Variants in SERGEF observed in about 807,000 individuals in gnomAD.
SERGEF encodes the protein secretion regulating guanine nucleotide exchange factor, also known as secretion-regulating guanine nucleotide exchange factor.
Under a neutral mutation model 50.0 loss-of-function variants are expected in SERGEF, and 51 were observed. That is an observed-to-expected ratio of 1.02 (90% CI 0.81 to 1.29). The LOEUF is 1.29. Ranked by LOEUF, SERGEF falls within the 50% of genes most tolerant of loss-of-function variation. SERGEF has a pLI of 0.00. For synonymous variants in SERGEF, 205 were observed against 212.4 expected, an observed-to-expected ratio of 0.97 and a Z score of 0.30; for missense variants, 521 against 557.0, an observed-to-expected ratio of 0.94 and a Z score of 0.65.
At chr11:17,866,038 G>C (rs566779304) in intron 10 of SERGEF, among the ~76,000 whole-genome samples, 25 of 152,334 alleles carry the variant, frequency 1.6e-4, no homozygotes, top group Admixed American at 1.3e-3. Flanking sequence ...AGAAAGGCAA[G>C]ACCTGGGACA....
intron 10 of SERGEF, among the ~76,000 whole-genome samples, chr11:17,792,163 G>T (rs1849493299): frequency 6.6e-6 from 1 of 152,210 alleles, no homozygotes; most frequent in Admixed American, 6.5e-5. Context: ...CCCTTAGTAG[G>T]AAGGCAATCA....
At chr11:17,811,061 T>TGG (rs1849862582) in intron 10 of SERGEF, among the ~76,000 whole-genome samples, 1 of 152,136 alleles carries the variant, frequency 6.6e-6, no homozygotes, top group Non-Finnish European at 1.5e-5. Flanking sequence ...CTGGTAATGG[T>TGG]GGTGGAAGCA....
intron 10 of SERGEF, among the ~76,000 whole-genome samples, chr11:17,872,534 C>T (rs953247578): frequency 6.6e-6 from 1 of 152,152 alleles, no homozygotes; most frequent in Non-Finnish European, 1.5e-5. Context: ...TTATACCTTG[C>T]TAGTGGAAGT....
chr11:18,004,520 A>G lies in SERGEF; in HGVS notation c.368T>C (p.Leu123Pro). 9 of 1,612,806 alleles carry G rather than the reference A, an allele frequency of 5.6e-6. No individual in the cohort carries two copies. In the South Asian group the frequency reaches 9.9e-5, roughly 18 times the overall value. Residue 123 changes from leucine to proline, a missense_variant, in exon 4 of 11, where the codon CTA becomes CCA. By Grantham distance (98) the Leu-to-Pro change is moderately conservative. Transcript: ENST00000265965. ...GCCAAAGGAGTTGGATCCACATGAT[A>G]GAACTTGACCATTTTCTGCAAAATA... The part of the protein sequence containing the change: ...TIMLTENGQV[L>P]SCGSNSFGQL...
intron 9 of SERGEF, among the ~76,000 whole-genome samples, chr11:17,883,976 G>C (rs1410146294): frequency 6.6e-6 from 1 of 152,134 alleles, no homozygotes; most frequent in African/African-American, 2.4e-5. Context: ...GGTGGGAAAC[G>C]AACACCGGGT....
intron 9 of SERGEF, among the ~76,000 whole-genome samples, chr11:17,938,357 C>T (rs1012336952): frequency 3.9e-5 from 6 of 152,164 alleles, no homozygotes; most frequent in African/African-American, 1.4e-4. Context: ...AGCATCTTAA[C>T]TTATACCTAT....
chr11:17,993,027 T>A, intron 6 of SERGEF, 34 bp from the exon 7 acceptor site: 2 of 1,587,210 alleles, frequency 1.3e-6, no homozygotes, highest in Non-Finnish European at 1.7e-6. Context: ...TGAATTACAT[T>A]TATAACAGAA....
At chr11:17,899,228 A>G (rs1851700881) in intron 9 of SERGEF, among the ~76,000 whole-genome samples, 2 of 152,228 alleles carry the variant, frequency 1.3e-5, no homozygotes, top group Admixed American at 1.3e-4. Context: ...ATACCAGGGC[A>G]CTTTAAAATC....
chr11:17,988,812 G>T lies in SERGEF; in HGVS notation c.686-57C>A. 2.0e-6 allele frequency: 3 copies of T among 1,514,824 alleles called. No homozygotes were observed. In the Admixed American group the frequency reaches 5.5e-5, roughly 28 times the overall value. The allele number at this position is 1,514,824 out of a possible 1,614,324, so 93.8% of individuals were successfully genotyped here. A position where few individuals can be genotyped will look rare whatever the true frequency, so the allele number is the denominator to read the frequency against. On this transcript the variant is annotated intron_variant, in intron 7 of 10. Coordinates refer to ENST00000265965, the MANE Select transcript of SERGEF (RefSeq NM_012139.4). Reference sequence around the variant, plus strand: ...GAGGGAACATTAGTCCAAAATGATGGAAAATAACAGAAGTCTAAAAAATAA... The same window carrying T: ...GAGGGAACATTAGTCCAAAATGATGTAAAATAACAGAAGTCTAAAAAATAA...
intron 8 of SERGEF, among the ~76,000 whole-genome samples, chr11:17,985,271 A>C (rs1040925507): frequency 6.6e-6 from 1 of 152,234 alleles, no homozygotes; most frequent in African/African-American, 2.4e-5. Flanking sequence ...AATAGTTGGG[A>C]TCTTTCACAG....
intron 9 of SERGEF, among the ~76,000 whole-genome samples, chr11:17,883,779 G>A (rs1851378207): frequency 6.6e-6 from 1 of 152,166 alleles, no homozygotes; most frequent in Non-Finnish European, 1.5e-5. Flanking sequence ...CCTGCCTAGG[G>A]CTAGGAGTGC....
At position 17,944,170 on chromosome 11, in the gene SERGEF, G is replaced by A. The variant is rs1193052988; in HGVS notation, c.1011+15300C>T. 8.6e-5 allele frequency among the ~76,000 whole-genome samples: 13 copies of A among 151,908 alleles called. 1 individual carries two copies. Among genetic ancestry groups the A allele is most frequent in the Admixed American group, 7.9e-4 (12 of 15,252 alleles). On this transcript the variant is annotated intron_variant, in intron 9 of 10. Transcript: ENST00000265965. ...TCTCCATCTCCTGACCTCATGATCCGCCCGCCTCGGCCTCCCAAAGTGCTG... is the reference window on the plus strand; with the variant it reads ...TCTCCATCTCCTGACCTCATGATCCACCCGCCTCGGCCTCCCAAAGTGCTG...
At chr11:17,886,798 G>A (rs956086618) in intron 9 of SERGEF, among the ~76,000 whole-genome samples, 3 of 152,156 alleles carry the variant, frequency 2.0e-5, no homozygotes, top group African/African-American at 7.2e-5. Flanking sequence ...CAGACTGCTT[G>A]CTTTTCCCAT....
Position 18,006,683 on chromosome 11 carries a change from T to G in SERGEF, c.260A>C (p.Glu87Ala). The G allele has an allele frequency of 1.2e-6, 2 of 1,614,154 alleles. No individual in the cohort carries two copies. Among genetic ancestry groups the G allele is most frequent in the Non-Finnish European group, 1.7e-6 (2 of 1,180,014 alleles). Residue 87 changes from glutamate (E) to alanine (A), a missense_variant, in exon 3 of 11, where the codon GAG (glutamate) becomes GCG (alanine). Glu to Ala is a moderately radical substitution (Grantham distance 107). Transcript: ENST00000265965. ...KDGQLGLGHT[E>A]DIPYFTPCKS... The stretch of plus-strand genomic sequence containing the variant: ...GCAGGGGGTAAAATATGGGATATCC[T>G]CTGTGTGACCAAGCCCCAGTTGCCC...
intron 9 of SERGEF, among the ~76,000 whole-genome samples, chr11:17,906,892 A>T (rs775762974): frequency 1.3e-5 from 2 of 151,816 alleles, no homozygotes; most frequent in Non-Finnish European, 2.9e-5. Flanking sequence ...ATGAAACTGA[A>T]TGTGGTTGTA....
intron 10 of SERGEF, among the ~76,000 whole-genome samples, chr11:17,789,438 A>G (rs923942703): frequency 1.3e-5 from 2 of 152,210 alleles, no homozygotes; most frequent in Non-Finnish European, 2.9e-5. Context: ...AAAATGAACA[A>G]ATTCATACAG....
chr11:18,006,914 G>A (rs1476586986), intron 2 of SERGEF, among the ~76,000 whole-genome samples, 168 bp from the exon 3 acceptor site: 4 of 152,192 alleles, frequency 2.6e-5, no homozygotes, highest in African/African-American at 9.7e-5. Context: ...ACAACACAAG[G>A]CCAAGGGCCT....
chr11:17,963,355 T>C (rs1306064728), intron 8 of SERGEF, among the ~76,000 whole-genome samples: 2 of 124,340 alleles, frequency 1.6e-5, no homozygotes, highest in Non-Finnish European at 3.3e-5. Context: ...CTTGGTTGCT[T>C]ACTATTAGTA....
At position 17,995,925 on chromosome 11, in the gene SERGEF, G is replaced by C; in HGVS notation, c.509-16C>G. 2.5e-6 allele frequency: 4 copies of C among 1,578,320 alleles called. No individual in the cohort carries two copies. The highest frequency in any genetic ancestry group is 3.5e-6 in the Non-Finnish European group (4 of 1,148,358). ...ATGCCACTCGCTTCCCAACAGAATG[G>C]AAGAGAAAGCAGAGAAGATGCACAT... On this transcript the variant is annotated splice_polypyrimidine_tract_variant and intron_variant, in intron 5 of 10. Transcript: ENST00000265965.
Sources: allele counts gnomAD v4.1 joint callset (sites outside exome capture counted in the v4.1 genomes callset), GRCh38; gene constraint gnomAD v4.1.1; transcripts MANE v1.5; gene names NCBI Gene and HGNC (gene_info 2026-07-23, HGNC 2026-07-21).